The following SIRPB1 variants were observed in gnomAD, a reference collection of about 807,000 sequenced individuals.
SIRPB1 encodes the protein signal regulatory protein beta 1, also known as signal-regulatory protein beta-1.
Under a neutral mutation model 34.1 loss-of-function variants are expected in SIRPB1, and 28 were observed. That is an observed-to-expected ratio of 0.82 (90% CI 0.61 to 1.12). The LOEUF (loss-of-function observed/expected upper bound fraction) is 1.12. SIRPB1 is among the 50% of genes most tolerant of loss of function. The pLI, the probability that SIRPB1 is intolerant of heterozygous loss-of-function variation, is 0.00. For missense variants in SIRPB1, 499 were observed against 507.0 expected (o/e 0.98, Z 0.15); for synonymous variants, 211 against 203.8 (o/e 1.04, Z -0.30).
At chr20:1,616,666 A>G (rs2091634574) in intron 1 of SIRPB1, among the ~76,000 whole-genome samples, 1 of 152,238 alleles carries the variant, frequency 6.6e-6, no homozygotes, top group Admixed American at 6.5e-5. Flanking sequence ...ATGAGTCCCA[A>G]AGCACAGGCA....
In SIRPB1 at chr20:1,612,534, G is replaced by A. The variant is rs1307457280; in HGVS notation, c.76+7335C>T. On this transcript the variant is annotated intron_variant, in intron 1 of 5. Transcript: ENST00000381605. The stretch of plus-strand genomic sequence containing the variant: ...GCATGTAACTGCAAGAGCCTCTGTG[G>A]ATCAATTTCTCCCTTCCTGAGACCC... Among the ~76,000 whole-genome samples the A allele has an allele frequency of 2.8e-5, 2 of 71,890 alleles. 1 individual carries two copies. The highest frequency in any genetic ancestry group is 5.2e-5 in the Non-Finnish European group (2 of 38,502). The allele number at this position is 71,890 out of a possible 152,430, so 47.2% of individuals were successfully genotyped here.
chr20:1,574,741 C>T (rs2091289102), intron 2 of SIRPB1, among the ~76,000 whole-genome samples: 1 of 105,174 alleles, frequency 9.5e-6, no homozygotes, highest in African/African-American at 3.6e-5. Flanking sequence ...CAATATCACT[C>T]CTTCAGACTC....
chr20:1,577,369 G>C (rs1347993996), intron 2 of SIRPB1, among the ~76,000 whole-genome samples: 2 of 147,806 alleles, frequency 1.4e-5, no homozygotes, highest in Admixed American at 1.3e-4. Flanking sequence ...CAAGGCCCCT[G>C]TCATGTCTTG....
intron 1 of SIRPB1, among the ~76,000 whole-genome samples, chr20:1,594,605 T>G (rs1299070979): frequency 2.1e-5 from 1 of 48,202 alleles, no homozygotes; most frequent in African/African-American, 1.4e-4. Flanking sequence ...CATGGATGCC[T>G]CTCCAGAAGA....
rs2091557095 is a variant in SIRPB1, at chr20:1,610,989, C to G, written c.76+8880G>C. 2.8e-5 allele frequency among the ~76,000 whole-genome samples: 2 copies of G among 72,348 alleles called. 1 individual carries two copies. Among genetic ancestry groups the G allele is most frequent in the African/African-American group, 1.8e-4 (2 of 11,382 alleles). 47.5% of individuals were successfully genotyped at this position (72,348 alleles called of 152,430 possible). ...CTGCATAAAGAAGAGACTTGGCCAC[C>G]CTGAGGGGGAAGCGTTCTCTGGAGG... On this transcript the variant is annotated intron_variant, in intron 1 of 5. Transcript: ENST00000381605.
At chr20:1,569,215 T>G (rs1217388796) in intron 4 of SIRPB1, among the ~76,000 whole-genome samples, 1 of 152,182 alleles carries the variant, frequency 6.6e-6, no homozygotes, top group Non-Finnish European at 1.5e-5. Flanking sequence ...AAAATATCCC[T>G]GGGGCCCAGA....
intron 1 of SIRPB1, 36 bp downstream of exon 1, chr20:1,619,833 G>T: frequency 6.8e-7 from 1 of 1,480,294 alleles, no homozygotes; most frequent in Non-Finnish European, 9.4e-7. Context: ...GGCTCAGTGG[G>T]CAGGAAAAAA....
In SIRPB1 at chr20:1,562,282, C is replaced by A. The variant is rs2091088492; in HGVS notation, c.*3218G>T. Among the ~76,000 whole-genome samples the A allele has an allele frequency of 6.6e-6, 1 of 152,128 alleles. No individual in the cohort carries two copies. Among genetic ancestry groups the A allele is most frequent in the South Asian group, 2.1e-4 (1 of 4,812 alleles). On this transcript the variant is annotated 3_prime_UTR_variant, in exon 6 of 6. Coordinates refer to ENST00000381605, the MANE Select transcript of SIRPB1 (RefSeq NM_006065.5). ...AGAAAGAGCTTGAGAATACAGCACA[C>A]AAGCCAAGTGATCAAATGAAGAGAA...
intron 1 of SIRPB1, among the ~76,000 whole-genome samples, chr20:1,618,855 A>C (rs965716403): frequency 1.3e-5 from 2 of 152,238 alleles, no homozygotes; most frequent in Non-Finnish European, 2.9e-5. Context: ...TAAGAGAACC[A>C]AAGGAGGTTG....
In SIRPB1 at chr20:1,611,420, G is replaced by A. The variant is rs774316774; in HGVS notation, c.76+8449C>T. The A allele has an allele frequency of 1.0e-5, 10 of 981,094 alleles. 3 individuals carry two copies. The highest frequency in any genetic ancestry group is 1.4e-5 in the Non-Finnish European group (10 of 736,570). 60.8% of individuals were successfully genotyped at this position (981,094 alleles called of 1,614,324 possible). On this transcript the variant is annotated intron_variant, in intron 1 of 5. Coordinates refer to ENST00000381605, the MANE Select transcript of SIRPB1 (RefSeq NM_006065.5). ...TCCACGTGGTCGGGGCTCCCTTTCCGGAACTTCACACAGTAGTAGGTGCCG... is the reference window on the plus strand; with the variant it reads ...TCCACGTGGTCGGGGCTCCCTTTCCAGAACTTCACACAGTAGTAGGTGCCG...
At position 1,570,861 on chromosome 20, in the gene SIRPB1, C is replaced by A. The variant is rs1409371584; in HGVS notation, c.1028G>T (p.Ser343Ile). 6.2e-7 allele frequency: 1 copy of A among 1,614,190 alleles called. No homozygotes were observed. Among genetic ancestry groups the A allele is most frequent in the East Asian group, 2.2e-5 (1 of 44,884 alleles). The change falls in exon 4 of 6, where the codon AGC becomes ATC. Residue 343 changes from serine (S) to isoleucine (I), a missense_variant. Transcript: ENST00000381605. ...EHDGQQAVSKSYALEISAHQK... is the reference protein window; with the variant it reads ...EHDGQQAVSKIYALEISAHQK... ...GTGCGCTGAGATCTCCAGGGCATAG[C>A]TTTTGCTGACTGCTTGCTGCCCATC...
chr20:1,579,799 G>A (rs886939915), intron 1 of SIRPB1, among the ~76,000 whole-genome samples: 8 of 148,212 alleles, frequency 5.4e-5, no homozygotes, highest in Admixed American at 2.0e-4. Flanking sequence ...AATGATGAAC[G>A]TCAAATACAC....
At position 1,564,750 on chromosome 20, in the gene SIRPB1, T is replaced by C; in HGVS notation, c.*750A>G. 2.5e-6 allele frequency: 1 copy of C among 396,362 alleles called. No individual in the cohort carries two copies. Among genetic ancestry groups the C allele is most frequent in the Non-Finnish European group, 4.4e-6 (1 of 225,204 alleles). The allele number at this position is 396,362 out of a possible 1,614,324, so 24.6% of individuals were successfully genotyped here. On this transcript the variant is annotated 3_prime_UTR_variant, in exon 6 of 6. Transcript: ENST00000381605. ...GTTGGGAGTTATTACACTAGAGAAA[T>C]TGGCAAGCACTGCAAAACAGCTTTT...
chr20:1,569,219 G>T (rs972416723), intron 4 of SIRPB1, among the ~76,000 whole-genome samples: 10 of 152,104 alleles, frequency 6.6e-5, no homozygotes, highest in Non-Finnish European at 4.4e-5. Flanking sequence ...TATCCCTGGG[G>T]CCCAGATCTT....
At chr20:1,573,648 G>A (rs1358681798) in intron 2 of SIRPB1, among the ~76,000 whole-genome samples, 4 of 145,868 alleles carry the variant, frequency 2.7e-5, no homozygotes, top group Non-Finnish European at 6.1e-5. Context: ...TTTTTTGAGG[G>A]CTTCTTGGCA....
rs1370762865 is a variant in SIRPB1 at position 1,580,767 on chromosome 20, A to T, written c.77-2073T>A. Among the ~76,000 whole-genome samples, 6 of 49,424 alleles carry T rather than the reference A, an allele frequency of 1.2e-4. 3 individuals carry two copies. The highest frequency in any genetic ancestry group is 2.3e-4 in the Non-Finnish European group (6 of 25,532). The allele number at this position is 49,424 out of a possible 152,430, so 32.4% of individuals were successfully genotyped here. ...AGAGAAAGAGAGAAAGGAATAGAAG[A>T]TTATATGAAAACAGAGTGGACAAAA... On this transcript the variant is annotated intron_variant, in intron 1 of 5. Coordinates refer to ENST00000381605, the MANE Select transcript of SIRPB1 (RefSeq NM_006065.5).
intron 4 of SIRPB1, 59 bp downstream of exon 4, chr20:1,570,746 G>T: frequency 7.7e-7 from 1 of 1,293,390 alleles, no homozygotes; most frequent in Non-Finnish European, 1.1e-6. Flanking sequence ...TGACAAGCAT[G>T]AATATTGCTT....
chr20:1,566,159 G>A lies in SIRPB1; in HGVS notation c.1193C>T (p.Ala398Val), dbSNP rs62623705. ...SAIYICWKQKA is the reference protein window; with the variant it reads ...SAIYICWKQKV ...CTCCCTCTCCTAAACTTACAGTCAG[G>A]CCTTCTGTTTCCAGCAGATGTAGAT... Residue 398 changes from alanine to valine, a missense_variant, in exon 5 of 6, where the codon GCC becomes GTC. By Grantham distance (64) the Ala-to-Val change is moderately conservative (BLOSUM62 0). Coordinates refer to ENST00000381605, the MANE Select transcript of SIRPB1 (RefSeq NM_006065.5). 0.12 allele frequency: 189,170 copies of A among 1,598,114 alleles called. 12,504 individuals carry two copies. The highest frequency in any genetic ancestry group is 0.15 in the Middle Eastern group (883 of 6,034).
chr20:1,588,109 A>C lies in SIRPB1; in HGVS notation c.77-9415T>G, dbSNP rs1487481969. ...CCCTTAGGGAGGACGGTGGCTGAAC[A>C]TCCCTGGGAAACACTGCACCCCTGT... is the stretch of plus-strand genomic sequence containing the variant. On this transcript the variant is annotated intron_variant, in intron 1 of 5. Coordinates refer to ENST00000381605, the MANE Select transcript of SIRPB1 (RefSeq NM_006065.5). Among the ~76,000 whole-genome samples the C allele has an allele frequency of 4.2e-5, 2 of 48,076 alleles. 1 individual carries two copies. Among genetic ancestry groups the C allele is most frequent in the Admixed American group, 2.8e-4 (2 of 7,186 alleles). The allele number at this position is 48,076 out of a possible 152,430, so 31.5% of individuals were successfully genotyped here.
Sources: allele counts gnomAD v4.1 joint callset (sites outside exome capture counted in the v4.1 genomes callset), GRCh38; gene constraint gnomAD v4.1.1; transcripts MANE v1.5; gene names NCBI Gene and HGNC (gene_info 2026-07-23, HGNC 2026-07-21).